Variants in EPHB1 observed in about 807,000 individuals in gnomAD.
EPHB1 encodes ephrin type-B receptor 1.
Under a neutral mutation model 94.4 loss-of-function variants are expected in EPHB1, and 30 were observed. The observed-to-expected ratio is 0.32, with a 90% confidence interval of 0.24 to 0.43. The LOEUF (loss-of-function observed/expected upper bound fraction) is 0.43. Among genes scored for constraint, EPHB1 ranks in the 20% least tolerant of loss-of-function variants. The pLI, the probability that EPHB1 is intolerant of heterozygous loss-of-function variation, is 1.00. For synonymous variants in EPHB1, 522 were observed against 489.1 expected (o/e 1.07, Z -0.89); for missense variants, 1,055 against 1,308.3 (o/e 0.81, Z 2.99).
chr3:134,948,477 G>T (rs1223803616), intron 2 of EPHB1, among the ~76,000 whole-genome samples: 1 of 152,022 alleles, frequency 6.6e-6, no homozygotes, highest in Admixed American at 6.6e-5. Flanking sequence ...AAAAAAATAG[G>T]CAAGCAGAAC....
At chr3:134,858,058 G>A (rs1001239657) in intron 1 of EPHB1, among the ~76,000 whole-genome samples, 4 of 152,056 alleles carry the variant, frequency 2.6e-5, no homozygotes, top group African/African-American at 9.7e-5. Context: ...CCTCCAGGAG[G>A]TCTTAGCTTG....
At chr3:135,230,121 T>C (rs1221754617) in intron 12 of EPHB1, among the ~76,000 whole-genome samples, 4 of 152,114 alleles carry the variant, frequency 2.6e-5, no homozygotes, top group African/African-American at 9.7e-5. Flanking sequence ...GTTCCTGCCA[T>C]TGTCAGAGAA....
intron 3 of EPHB1, among the ~76,000 whole-genome samples, chr3:135,048,142 G>A (rs1050988597): frequency 6.6e-6 from 1 of 151,564 alleles, no homozygotes; most frequent in Non-Finnish European, 1.5e-5. Flanking sequence ...CAAGGGTGGA[G>A]GTGCTGGGAA....
intron 15 of EPHB1, among the ~76,000 whole-genome samples, chr3:135,255,141 TGTTGATCCTTTCAAAAAACCA>T (rs1933318494): frequency 6.6e-6 from 1 of 152,168 alleles, no homozygotes; most frequent in Admixed American, 6.5e-5. Flanking sequence ...CTATCAATTT[TGTTGATCCTTTCAAAAAACCA>T]GCTCCTGGAT....
chr3:135,000,782 A>G (rs1024870674), intron 3 of EPHB1, among the ~76,000 whole-genome samples: 10 of 152,072 alleles, frequency 6.6e-5, no homozygotes, highest in African/African-American at 2.4e-4. Context: ...CACACCTTCT[A>G]TTTCACCCCA....
At chr3:134,899,938 T>G (rs1211921945) in intron 1 of EPHB1, among the ~76,000 whole-genome samples, 1 of 152,222 alleles carries the variant, frequency 6.6e-6, no homozygotes, top group African/African-American at 2.4e-5. Flanking sequence ...AGTAGACTGA[T>G]GGACCCAGAG....
intron 5 of EPHB1, among the ~76,000 whole-genome samples, chr3:135,137,139 C>T (rs535503156): frequency 3.9e-4 from 60 of 152,264 alleles, no homozygotes; most frequent in African/African-American, 1.4e-3. Context: ...ATGAATCAGA[C>T]CAGCACATGA....
intron 3 of EPHB1, among the ~76,000 whole-genome samples, chr3:134,989,895 G>T (rs1177385372): frequency 6.6e-6 from 1 of 152,092 alleles, no homozygotes; most frequent in African/African-American, 2.4e-5. Context: ...TTAACCCCTT[G>T]CTATGAAAGA....
At chr3:134,877,569 G>C (rs757979239) in intron 1 of EPHB1, among the ~76,000 whole-genome samples, 1 of 152,138 alleles carries the variant, frequency 6.6e-6, no homozygotes, top group South Asian at 2.1e-4. Flanking sequence ...GGTCACCATC[G>C]GTCAGGAGAT....
At position 135,192,666 on chromosome 3, in the gene EPHB1, C is replaced by T. The variant is rs201816783; in HGVS notation, c.1973C>T (p.Ser658Leu). The T allele has an allele frequency of 1.4e-4, 233 of 1,613,984 alleles. No homozygotes were observed. Among genetic ancestry groups the T allele is most frequent in the Admixed American group, 3.2e-4 (19 of 59,994 alleles). The stretch of plus-strand genomic sequence containing the variant: ...ATCAAGACCCTGAAGGCAGGGTACT[C>T]GGAGAAGCAGCGTCGGGACTTTCTG... ...VAIKTLKAGY[S>L]EKQRRDFLSE... is the part of the protein sequence containing the mutation. The change falls in exon 11 of 16, where the codon TCG becomes TTG. Residue 658 changes from serine (S) to leucine (L), a missense_variant. Ser to Leu is a moderately radical substitution (Grantham distance 145, BLOSUM62 -2). Coordinates refer to ENST00000398015, the MANE Select transcript of EPHB1 (RefSeq NM_004441.5).
chr3:135,002,417 C>A (rs1487976175), intron 3 of EPHB1, among the ~76,000 whole-genome samples: 1 of 152,108 alleles, frequency 6.6e-6, no homozygotes, highest in Non-Finnish European at 1.5e-5. Flanking sequence ...GTCTAAAATT[C>A]TCTTTGTTGG....
Position 135,259,032 on chromosome 3 carries a change from T to A in EPHB1, c.2867T>A (p.Ile956Asn). The change falls in exon 16 of 16, where the codon ATC (isoleucine) becomes AAC (asparagine). Residue 956 changes from isoleucine (I) to asparagine (N), a missense_variant. By Grantham distance (149) the Ile-to-Asn change is moderately radical (BLOSUM62 -3). Transcript: ENST00000398015. ...MTSEDLLRIG[I>N]TLAGHQKKIL... ...CCTAGAGACCTCCTGAGAATAGGCA[T>A]CACCTTGGCAGGCCATCAGAAGAAG... 1 of 1,609,004 alleles carries A rather than the reference T, an allele frequency of 6.2e-7. No homozygotes were observed. Among genetic ancestry groups the A allele is most frequent in the Non-Finnish European group, 8.5e-7 (1 of 1,177,818 alleles).
chr3:135,038,608 G>A (rs1045987466), intron 3 of EPHB1, among the ~76,000 whole-genome samples: 8 of 152,100 alleles, frequency 5.3e-5, no homozygotes, highest in South Asian at 2.1e-4. Context: ...GGACCCTCGC[G>A]GTGAGTGTTA....
chr3:135,248,592 G>A (rs890868538), intron 14 of EPHB1, 83 bp downstream of exon 14: 1 of 1,402,970 alleles, frequency 7.1e-7, no homozygotes. Flanking sequence ...CCATGATCAT[G>A]TTCGAATTTT....
At chr3:135,032,351 A>G (rs1330445215) in intron 3 of EPHB1, among the ~76,000 whole-genome samples, 2 of 143,804 alleles carry the variant, frequency 1.4e-5, no homozygotes, top group African/African-American at 5.2e-5. Context: ...TTTTTATATT[A>G]GCTTTTATTT....
intron 1 of EPHB1, among the ~76,000 whole-genome samples, chr3:134,919,836 G>A (rs894081597): frequency 1.4e-5 from 2 of 144,682 alleles, no homozygotes; most frequent in Non-Finnish European, 3.0e-5. Context: ...CTGTCTTAGG[G>A]CAGGGGTGTG....
intron 3 of EPHB1, among the ~76,000 whole-genome samples, chr3:135,008,048 G>C (rs1935485444): frequency 6.6e-6 from 1 of 152,166 alleles, no homozygotes; most frequent in Non-Finnish European, 1.5e-5. Context: ...CTGAGATTGT[G>C]GGAGGAGGCA....
chr3:134,881,423 A>G (rs2108311600), intron 1 of EPHB1, among the ~76,000 whole-genome samples: 1 of 152,276 alleles, frequency 6.6e-6, no homozygotes, highest in South Asian at 2.1e-4. Context: ...TGCAGACCCC[A>G]GGCTGACTTG....
At chr3:134,878,069 A>G (rs1032275701) in intron 1 of EPHB1, among the ~76,000 whole-genome samples, 1 of 152,120 alleles carries the variant, frequency 6.6e-6, no homozygotes, top group Admixed American at 6.6e-5. Context: ...CTTCCCCCGG[A>G]GGGCAGGCAC....
Sources: allele counts gnomAD v4.1 joint callset (sites outside exome capture counted in the v4.1 genomes callset), GRCh38; gene constraint gnomAD v4.1.1; transcripts MANE v1.5; gene names NCBI Gene and HGNC (gene_info 2026-07-23, HGNC 2026-07-21).